DNAAF11: variants seen among roughly 807,000 people sequenced by gnomAD.
DNAAF11 encodes leucine rich repeat containing 6.
In DNAAF11, 45 loss-of-function variants were observed where a neutral mutation model predicts 60.8. The ratio of observed to expected loss-of-function variants is 0.74; its 90% CI spans 0.58 to 0.95. DNAAF11 has a LOEUF of 0.95. Ranked by LOEUF, DNAAF11 falls within the 40% of genes least tolerant of loss-of-function variation. The pLI is 0.00. For missense variants in DNAAF11, 546 were observed against 546.2 expected, an observed-to-expected ratio of 1.00 and a Z score of 0.00; for synonymous variants, 191 against 183.5, an observed-to-expected ratio of 1.04 and a Z score of -0.33.
intron 4 of DNAAF11, among the ~76,000 whole-genome samples, chr8:132,635,404 A>G (rs1821192960): frequency 6.6e-6 from 1 of 152,184 alleles, no homozygotes. Context: ...CCTACTATAC[A>G]TGAGTAAAAT....
At chr8:132,593,786 G>A (rs987930793) in intron 10 of DNAAF11, among the ~76,000 whole-genome samples, 5 of 151,938 alleles carry the variant, frequency 3.3e-5, no homozygotes, top group Admixed American at 6.6e-5. Context: ...CAAAGGTGCC[G>A]AAGCAACTCA....
chr8:132,576,225 T>C (rs959455934), intron 11 of DNAAF11, among the ~76,000 whole-genome samples: 5 of 152,188 alleles, frequency 3.3e-5, no homozygotes, highest in Admixed American at 3.3e-4. Context: ...TTTCTTTAAT[T>C]GCTATTTGTC....
chr8:132,669,487 G>T (rs948821281), intron 1 of DNAAF11, among the ~76,000 whole-genome samples: 1 of 152,182 alleles, frequency 6.6e-6, no homozygotes, highest in Admixed American at 6.5e-5. Context: ...GAGAGAAACT[G>T]TAACTTAAAG....
At chr8:132,697,068 A>G in the DNAAF11 span, among the ~76,000 whole-genome samples, 1 of 152,250 alleles carries the variant, frequency 6.6e-6, no homozygotes, top group Non-Finnish European at 1.5e-5. Flanking sequence ...AGTTAAAAAC[A>G]CAAAGACCGC....
intron 10 of DNAAF11, among the ~76,000 whole-genome samples, chr8:132,591,383 T>C (rs1816446237): frequency 6.6e-6 from 1 of 151,868 alleles, no homozygotes; most frequent in South Asian, 2.1e-4. Context: ...GTCCTGTAAA[T>C]ATATATTATC....
the DNAAF11 span, among the ~76,000 whole-genome samples, chr8:132,701,014 G>C: frequency 1.3e-5 from 2 of 152,138 alleles, no homozygotes; most frequent in Non-Finnish European, 2.9e-5. Flanking sequence ...GAACTTTCTT[G>C]CTGTGGTATC....
intron 1 of DNAAF11, among the ~76,000 whole-genome samples, chr8:132,668,334 C>T (rs1018801223): frequency 3.9e-5 from 6 of 152,162 alleles, no homozygotes; most frequent in Non-Finnish European, 7.3e-5. Flanking sequence ...GCACTAAGTG[C>T]TATGGGGCAC....
intron 1 of DNAAF11, among the ~76,000 whole-genome samples, chr8:132,665,673 A>G (rs1214594530): frequency 6.6e-6 from 1 of 152,216 alleles, no homozygotes; most frequent in Non-Finnish European, 1.5e-5. Flanking sequence ...TTCAACCCCT[A>G]TGGAAAACAG....
chr8:132,648,723 A>G (rs1278513442), intron 3 of DNAAF11, among the ~76,000 whole-genome samples: 3 of 152,030 alleles, frequency 2.0e-5, no homozygotes, highest in Non-Finnish European at 4.4e-5. Flanking sequence ...ATAACAGACA[A>G]ACAGAGAGCC....
At chr8:132,615,368 A>T (rs770110336) in intron 7 of DNAAF11, among the ~76,000 whole-genome samples, 9 of 152,238 alleles carry the variant, frequency 5.9e-5, no homozygotes, top group Non-Finnish European at 1.2e-4. Context: ...GTGCAGAGAT[A>T]GAGACATCTG....
intron 10 of DNAAF11, among the ~76,000 whole-genome samples, chr8:132,598,917 T>G (rs1254172002): frequency 6.6e-6 from 1 of 152,044 alleles, no homozygotes; most frequent in Non-Finnish European, 1.5e-5. Context: ...GAGAAATAAC[T>G]AAGATCAGAG....
chr8:132,626,196 C>A lies in DNAAF11; in HGVS notation c.654-742G>T, dbSNP rs576978654. On this transcript the variant is annotated intron_variant, in intron 5 of 11. Coordinates refer to ENST00000620350, the MANE Select transcript of DNAAF11 (RefSeq NM_012472.6). ...CCTCCTGAGTAGCTGGGACTACAGG[C>A]GCCTGCCACCACACCCGGCTAATTT... Among the ~76,000 whole-genome samples the A allele has an allele frequency of 5.9e-5, 9 of 152,064 alleles. No individual in the cohort carries two copies. The South Asian group carries it at 1.9e-3, about 32-fold the overall frequency.
chr8:132,687,768 T>C, the DNAAF11 span: 8 of 444,906 alleles, frequency 1.8e-5, no homozygotes, highest in Admixed American at 1.7e-4. Context: ...TTTCAATCAC[T>C]AAATTATGCT....
intron 1 of DNAAF11, among the ~76,000 whole-genome samples, chr8:132,674,624 C>G (rs1825596866): frequency 6.6e-6 from 1 of 152,226 alleles, no homozygotes. Context: ...CGCAGTGGCT[C>G]ACGCCTGTAA....
At chr8:132,600,083 T>C (rs1021932287) in intron 10 of DNAAF11, among the ~76,000 whole-genome samples, 1 of 152,200 alleles carries the variant, frequency 6.6e-6, no homozygotes, top group East Asian at 1.9e-4. Flanking sequence ...AGTCTCAGGA[T>C]ACAAAATCAA....
chr8:132,661,097 C>G (rs891820686), intron 2 of DNAAF11, among the ~76,000 whole-genome samples: 2 of 151,842 alleles, frequency 1.3e-5, no homozygotes, highest in Non-Finnish European at 2.9e-5. Flanking sequence ...GACAAGGACT[C>G]CCTCAATTCT....
chr8:132,620,468 G>C (rs1344283273), intron 7 of DNAAF11, among the ~76,000 whole-genome samples: 1 of 152,106 alleles, frequency 6.6e-6, no homozygotes, highest in Admixed American at 6.5e-5. Flanking sequence ...CCGAGTGGCT[G>C]GGATTACAGG....
At chr8:132,687,824 C>CCA in the DNAAF11 span, among the ~76,000 whole-genome samples, 1 of 152,140 alleles carries the variant, frequency 6.6e-6, no homozygotes, top group Admixed American at 6.6e-5. Context: ...TGGTAATTTA[C>CCA]CACAGAGCCC....
At chr8:132,619,438 T>TA (rs767507815) in intron 7 of DNAAF11, among the ~76,000 whole-genome samples, 6 of 145,258 alleles carry the variant, frequency 4.1e-5, no homozygotes, top group Non-Finnish European at 9.0e-5. Context: ...CCCTAAAACT[T>TA]AAAGTATAAT....
Sources: allele counts gnomAD v4.1 joint callset (sites outside exome capture counted in the v4.1 genomes callset), GRCh38; gene constraint gnomAD v4.1.1; transcripts MANE v1.5; gene names NCBI Gene and HGNC (gene_info 2026-07-23, HGNC 2026-07-21).